Variants in PPP2R2A observed in about 807,000 individuals in gnomAD.
PPP2R2A encodes the protein serine/threonine-protein phosphatase 2A 55 kDa regulatory subunit B alpha isoform.
Under a neutral mutation model 53.2 loss-of-function variants are expected in PPP2R2A, and 9 were observed. The ratio of observed to expected loss-of-function variants is 0.17; its 90% CI spans 0.10 to 0.30. The LOEUF (loss-of-function observed/expected upper bound fraction) is 0.30, where lower values mean the gene tolerates loss of function less well. PPP2R2A is among the 10% of genes least tolerant of loss of function. The probability of loss-of-function intolerance (pLI) is 1.00; values close to 1 mark genes in which losing one functional copy is unlikely to be tolerated. For synonymous variants in PPP2R2A, 169 were observed against 174.2 expected (o/e 0.97, Z 0.23); for missense variants, 235 against 534.6 (o/e 0.44, Z 5.53).
chr8:26,314,407 T>C (rs1802441492), intron 2 of PPP2R2A, among the ~76,000 whole-genome samples: 1 of 152,212 alleles, frequency 6.6e-6, no homozygotes, highest in Non-Finnish European at 1.5e-5. Flanking sequence ...ATCATCATCG[T>C]GGGAATTCTT....
Position 26,346,927 on chromosome 8 carries a change from G to A in PPP2R2A, c.181-7541G>A, listed in dbSNP as rs111326015. Among the ~76,000 whole-genome samples, 267 of 152,296 alleles carry A rather than the reference G, an allele frequency of 1.8e-3. 1 individual carries two copies. Among genetic ancestry groups the A allele is most frequent in the African/African-American group, 6.0e-3 (249 of 41,556 alleles). On this transcript the variant is annotated intron_variant, in intron 3 of 9. Transcript: ENST00000380737. ...CACAGAGAAGAGTCTGAAATCAGGC[G>A]CCTCAAATGTCGGGGTGTCATGCAT...
At chr8:26,291,960 AGGGGT>A in intron 1 of PPP2R2A, 134 bp downstream of exon 1, 3 of 304,604 alleles carry the variant, frequency 9.8e-6, no homozygotes, top group East Asian at 1.8e-4. Context: ...TAGGGTCCAG[AGGGGT>A]GGGGTGGGGG....
intron 2 of PPP2R2A, among the ~76,000 whole-genome samples, chr8:26,313,259 C>T (rs1349777684): frequency 6.6e-6 from 1 of 151,898 alleles, no homozygotes; most frequent in Non-Finnish European, 1.5e-5. Flanking sequence ...GATCTCAAAC[C>T]CCTGACCTCA....
At chr8:26,340,586 A>G (rs1803891935) in intron 3 of PPP2R2A, among the ~76,000 whole-genome samples, 2 of 152,122 alleles carry the variant, frequency 1.3e-5, no homozygotes, top group African/African-American at 2.4e-5. Flanking sequence ...GCATTGTGTC[A>G]TTGTCAATTC....
At chr8:26,356,274 G>A (rs1399468353) in intron 4 of PPP2R2A, among the ~76,000 whole-genome samples, 4 of 152,282 alleles carry the variant, frequency 2.6e-5, no homozygotes, top group Non-Finnish European at 4.4e-5. Flanking sequence ...CACAGTATTA[G>A]TTCTTAGAAA....
chr8:26,301,435 C>T (rs536414453), intron 2 of PPP2R2A, among the ~76,000 whole-genome samples: 5 of 151,382 alleles, frequency 3.3e-5, no homozygotes, highest in Admixed American at 1.3e-4. Context: ...CAGGCTCAAG[C>T]GATCCTCCTG....
chr8:26,307,397 TTTAA>T (rs1419097810), intron 2 of PPP2R2A, among the ~76,000 whole-genome samples: 3 of 152,232 alleles, frequency 2.0e-5, no homozygotes, highest in East Asian at 3.8e-4. Context: ...TGGTGATTTA[TTTAA>T]TTAAGACTGT....
intron 2 of PPP2R2A, among the ~76,000 whole-genome samples, chr8:26,327,655 A>G (rs1468064470): frequency 6.6e-6 from 1 of 151,704 alleles, no homozygotes; most frequent in African/African-American, 2.4e-5. Flanking sequence ...ATCATTTTAC[A>G]ATGATTAGCT....
intron 2 of PPP2R2A, among the ~76,000 whole-genome samples, chr8:26,322,872 A>G (rs1480738548): frequency 1.3e-5 from 2 of 152,224 alleles, no homozygotes; most frequent in African/African-American, 2.4e-5. Flanking sequence ...GCAGTTTTTA[A>G]AGACATTAAT....
chr8:26,316,673 G>A (rs1802571330), intron 2 of PPP2R2A, among the ~76,000 whole-genome samples: 1 of 152,216 alleles, frequency 6.6e-6, no homozygotes, highest in Non-Finnish European at 1.5e-5. Context: ...AGGCTGGGAA[G>A]TCCTAGATCA....
chr8:26,331,887 G>A (rs1803396291), intron 2 of PPP2R2A, among the ~76,000 whole-genome samples: 1 of 152,168 alleles, frequency 6.6e-6, no homozygotes, highest in Non-Finnish European at 1.5e-5. Flanking sequence ...ATTTGCTACA[G>A]CAATGTTTAG....
In PPP2R2A at chr8:26,354,324, A is replaced by G; in HGVS notation, c.181-144A>G. The G allele has an allele frequency of 1.7e-6, 1 of 574,208 alleles. No individual in the cohort carries two copies. The highest frequency in any genetic ancestry group is 2.6e-6 in the Non-Finnish European group (1 of 378,654). 35.6% of individuals were successfully genotyped at this position (574,208 alleles called of 1,614,324 possible). ...TCATTTAATCCTTGAAGGCCTTTAGAAATATAAAAAACAGAATGTAATTGT... is the reference window on the plus strand; with the variant it reads ...TCATTTAATCCTTGAAGGCCTTTAGGAATATAAAAAACAGAATGTAATTGT... On this transcript the variant is annotated intron_variant, in intron 3 of 9. Coordinates refer to ENST00000380737, the MANE Select transcript of PPP2R2A (RefSeq NM_002717.4). The surrounding 1 kb of genome is among the most constrained non-coding windows in gnomAD (Gnocchi z 4.6).
intron 2 of PPP2R2A, among the ~76,000 whole-genome samples, chr8:26,315,480 C>T (rs535652595): frequency 3.9e-4 from 60 of 152,236 alleles, no homozygotes; most frequent in African/African-American, 1.2e-3. Context: ...TTTAATTTGA[C>T]GCCTCACCAC....
Position 26,362,131 on chromosome 8 carries a change from T to A in PPP2R2A, c.638-553T>A, listed in dbSNP as rs995055886. 6.6e-6 allele frequency among the ~76,000 whole-genome samples: 1 copy of A among 151,262 alleles called. No individual in the cohort carries two copies. The highest frequency in any genetic ancestry group is 1.5e-5 in the Non-Finnish European group (1 of 67,842). On this transcript the variant is annotated intron_variant, in intron 6 of 9. Coordinates refer to ENST00000380737, the MANE Select transcript of PPP2R2A (RefSeq NM_002717.4). This position sits in a 1 kb window ranked among gnomAD's most constrained non-coding sequence, Gnocchi z 4.4. ...AGATTAGAAAAAGAAAGATTAAAGA[T>A]TACGATTAGATTAAGATTAGAAAAA...
At chr8:26,294,139 A>G (rs1251853185) in intron 2 of PPP2R2A, among the ~76,000 whole-genome samples, 1 of 152,220 alleles carries the variant, frequency 6.6e-6, no homozygotes, top group Non-Finnish European at 1.5e-5. Context: ...GCTCAGAAAC[A>G]TTCTTAACGG....
intron 2 of PPP2R2A, among the ~76,000 whole-genome samples, chr8:26,305,129 A>AT (rs1801958424): frequency 6.6e-6 from 1 of 152,102 alleles, no homozygotes; most frequent in Non-Finnish European, 1.5e-5. Flanking sequence ...GTTTCTGTAA[A>AT]TTTGACTGCT....
At position 26,291,723 on chromosome 8, in the gene PPP2R2A, A is replaced by G. The variant is rs1257440798; in HGVS notation, c.-97A>G. The G allele has an allele frequency of 6.5e-6, 3 of 460,452 alleles. No homozygotes were observed. In the South Asian group the frequency reaches 1.2e-4, roughly 19 times the overall value. 28.5% of individuals were successfully genotyped at this position (460,452 alleles called of 1,614,324 possible). A position where few individuals can be genotyped will look rare whatever the true frequency, so the allele number is the denominator to read the frequency against. On this transcript the variant is annotated 5_prime_UTR_variant, in exon 1 of 10. Coordinates refer to ENST00000380737, the MANE Select transcript of PPP2R2A (RefSeq NM_002717.4). Reference sequence around the variant, plus strand: ...CCCCCCGCAGGTGCCATCCGCCGCCATCCGCCCTCTCTACCCCCCCATCCC... The same window carrying G: ...CCCCCCGCAGGTGCCATCCGCCGCCGTCCGCCCTCTCTACCCCCCCATCCC...
intron 2 of PPP2R2A, among the ~76,000 whole-genome samples, chr8:26,332,726 A>C (rs530841620): frequency 6.6e-6 from 1 of 152,364 alleles, no homozygotes; most frequent in South Asian, 2.1e-4. Context: ...TTGTAGGGAC[A>C]GGCAGTAACT....
At chr8:26,343,622 G>A (rs1488868544) in intron 3 of PPP2R2A, among the ~76,000 whole-genome samples, 1 of 152,050 alleles carries the variant, frequency 6.6e-6, no homozygotes, top group Non-Finnish European at 1.5e-5. Context: ...CACCCGTCTC[G>A]TGATCCACCC....
Sources: allele counts gnomAD v4.1 joint callset (sites outside exome capture counted in the v4.1 genomes callset), GRCh38; gene constraint gnomAD v4.1.1; non-coding constraint Gnocchi (gnomAD v3.1); transcripts MANE v1.5; gene names NCBI Gene and HGNC (gene_info 2026-07-23, HGNC 2026-07-21).